CAPZA2: variants seen among roughly 807,000 people sequenced by gnomAD.
The protein encoded by CAPZA2 is F-actin-capping protein subunit alpha-2.
Under a neutral mutation model 44.0 loss-of-function variants are expected in CAPZA2, and 13 were observed. The ratio of observed to expected loss-of-function variants is 0.30; its 90% CI spans 0.19 to 0.47. The LOEUF is 0.47. CAPZA2 is among the 20% of genes least tolerant of loss of function. The pLI is 1.00. For synonymous variants in CAPZA2, 94 were observed against 108.2 expected, an observed-to-expected ratio of 0.87 and a Z score of 0.81; for missense variants, 244 against 338.6, an observed-to-expected ratio of 0.72 and a Z score of 2.19.
chr7:116,865,677 A>G (rs553615201), intron 1 of CAPZA2, among the ~76,000 whole-genome samples: 1 of 152,230 alleles, frequency 6.6e-6, no homozygotes, highest in African/African-American at 2.4e-5. Context: ...CCTGGGCTCA[A>G]GCAGTCCTCT....
At chr7:116,897,785 C>G (rs1344054859) in intron 3 of CAPZA2, among the ~76,000 whole-genome samples, 1 of 151,944 alleles carries the variant, frequency 6.6e-6, no homozygotes, top group Non-Finnish European at 1.5e-5. Flanking sequence ...TAGCTTTATT[C>G]TTGGATCCAT....
chr7:116,919,194 G>T lies in CAPZA2; in HGVS notation c.*1327G>T, dbSNP rs1218061660. On this transcript the variant is annotated 3_prime_UTR_variant, in exon 10 of 10. Coordinates refer to ENST00000361183, the MANE Select transcript of CAPZA2 (RefSeq NM_006136.3). ...TTTAAAAATTCAATGAAAGCATGTT[G>T]TTTAATTTCTTTTTAAAATCACTGT... 1 of 151,056 alleles carries T rather than the reference G, an allele frequency of 6.6e-6. No homozygotes were observed. The highest frequency in any genetic ancestry group is 1.5e-5 in the Non-Finnish European group (1 of 67,738). The allele number at this position is 151,056 out of a possible 1,614,324, so 9.4% of individuals were successfully genotyped here.
At chr7:116,906,551 G>A (rs1791515645) in intron 6 of CAPZA2, 1 of 819,112 alleles carries the variant, frequency 1.2e-6, no homozygotes, top group African/African-American at 1.8e-5. Context: ...ACATTCAGTG[G>A]AAAGAGTATG....
In CAPZA2 at chr7:116,917,816, T is replaced by C. The variant is rs760935664; in HGVS notation, c.810T>C (p.Asp270=). 25 of 1,612,516 alleles carry C rather than the reference T, an allele frequency of 1.6e-5. No individual in the cohort carries two copies. In the South Asian group the frequency reaches 1.8e-4, roughly 11 times the overall value. ...TGCCAGTTACACGCACTAAGATTGA[T>C]TGGAACAAGATCCTTAGCTACAAGA... ...RQLPVTRTKI[D]WNKILSYKIG... The change falls in exon 10 of 10, where the codon GAT becomes GAC. Residue 270 remains aspartate, a synonymous_variant. Transcript: ENST00000361183.
intron 1 of CAPZA2, among the ~76,000 whole-genome samples, chr7:116,879,124 C>CAAAAAAAAAAAAAA (rs71148337): frequency 1.1e-4 from 5 of 45,300 alleles, no homozygotes; most frequent in Non-Finnish European, 1.8e-4. Flanking sequence ...AACTCTGTCT[C>CAAAAAAAAAAAAAA]AAAAAAAAAA....
At chr7:116,880,398 T>C (rs1350342084) in intron 1 of CAPZA2, among the ~76,000 whole-genome samples, 1 of 152,062 alleles carries the variant, frequency 6.6e-6, no homozygotes, top group Non-Finnish European at 1.5e-5. Context: ...CTAGAATTTG[T>C]TTTTGTTTTT....
At chr7:116,894,538 G>A (rs967694189) in intron 3 of CAPZA2, among the ~76,000 whole-genome samples, 8 of 152,048 alleles carry the variant, frequency 5.3e-5, no homozygotes, top group Admixed American at 3.3e-4. Flanking sequence ...TTTTTTAATT[G>A]TGGAAAAATA....
chr7:116,890,057 C>G (rs912578039), intron 2 of CAPZA2, among the ~76,000 whole-genome samples: 2 of 152,092 alleles, frequency 1.3e-5, no homozygotes, highest in Non-Finnish European at 2.9e-5. Flanking sequence ...GCACTAAAGT[C>G]AGTAGCTTCC....
At chr7:116,884,880 G>A (rs552752417) in intron 1 of CAPZA2, among the ~76,000 whole-genome samples, 16 of 152,222 alleles carry the variant, frequency 1.1e-4, no homozygotes, top group African/African-American at 3.9e-4. Context: ...ATGTATGAGA[G>A]TTCCTGTTCT....
intron 3 of CAPZA2, among the ~76,000 whole-genome samples, chr7:116,893,927 A>G (rs1306969459): frequency 7.2e-5 from 11 of 152,208 alleles, no homozygotes; most frequent in Admixed American, 2.0e-4. Context: ...CTCCCAAAAT[A>G]AGGTCTAGAG....
chr7:116,914,147 C>G (rs1358913282), intron 8 of CAPZA2, among the ~76,000 whole-genome samples: 4 of 151,448 alleles, frequency 2.6e-5, no homozygotes, highest in Non-Finnish European at 4.4e-5. Context: ...CCTGCCTCAG[C>G]CTCCCGAGTA....
intron 1 of CAPZA2, among the ~76,000 whole-genome samples, chr7:116,869,217 G>A (rs1796519193): frequency 6.6e-6 from 1 of 152,130 alleles, no homozygotes; most frequent in African/African-American, 2.4e-5. Context: ...AGAAAATGGG[G>A]TCTTTGTCTT....
At position 116,872,717 on chromosome 7, in the gene CAPZA2, C is replaced by A. The variant is rs1013668560; in HGVS notation, c.39+10067C>A. On this transcript the variant is annotated intron_variant, in intron 1 of 9. Transcript: ENST00000361183. ...CTGTGGAAGACAACTTCAAATAATT[C>A]TTTTAGTTGAAGTGGAAAAGTGCAT... Among the ~76,000 whole-genome samples the A allele has an allele frequency of 3.9e-5, 6 of 152,152 alleles. No individual in the cohort carries two copies. The East Asian group carries it at 1.2e-3, about 29-fold the overall frequency.
chr7:116,878,881 A>G (rs574962133), intron 1 of CAPZA2, among the ~76,000 whole-genome samples: 14 of 152,110 alleles, frequency 9.2e-5, no homozygotes, highest in Non-Finnish European at 1.9e-4. Context: ...TAATCCCAGC[A>G]CTTTGGGAGG....
At chr7:116,875,876 G>A (rs985493017) in intron 1 of CAPZA2, 31 of 152,136 alleles carry the variant, frequency 2.0e-4, no homozygotes, top group African/African-American at 7.2e-4. Flanking sequence ...ATGTTATCCC[G>A]TAACTCAAAG....
At chr7:116,912,346 T>C (rs1174896973) in intron 8 of CAPZA2, among the ~76,000 whole-genome samples, 1 of 152,150 alleles carries the variant, frequency 6.6e-6, no homozygotes, top group African/African-American at 2.4e-5. Context: ...ATTTAAAATA[T>C]AAGCTTCAAA....
chr7:116,903,268 G>GTGTGTA (rs1797019439), intron 4 of CAPZA2, among the ~76,000 whole-genome samples: 1 of 148,680 alleles, frequency 6.7e-6, no homozygotes, highest in African/African-American at 2.6e-5. Flanking sequence ...GTGTGTGTGT[G>GTGTGTA]TGTACGTACA....
intron 3 of CAPZA2, among the ~76,000 whole-genome samples, chr7:116,897,406 T>C (rs1483603917): frequency 6.6e-6 from 1 of 152,186 alleles, no homozygotes; most frequent in Non-Finnish European, 1.5e-5. Flanking sequence ...GCATGTAGTA[T>C]CAAGAATTTG....
chr7:116,917,959 G>A lies in CAPZA2; in HGVS notation c.*92G>A. On this transcript the variant is annotated 3_prime_UTR_variant, in exon 10 of 10. Transcript: ENST00000361183. ...GAACTGTCAAGCTGCCCAGTCAGAT[G>A]GGCTGTTGCCATTTAAAATCACTGT... 3.1e-6 allele frequency: 3 copies of A among 960,620 alleles called. No homozygotes were observed. Among genetic ancestry groups the A allele is most frequent in the Admixed American group, 2.0e-5 (1 of 49,542 alleles). 59.5% of individuals were successfully genotyped at this position (960,620 alleles called of 1,614,324 possible). A position where few individuals can be genotyped will look rare whatever the true frequency, so the allele number is the denominator to read the frequency against.
Sources: gnomAD v4.1 joint callset for allele counts (sites outside exome capture counted in the v4.1 genomes callset) on GRCh38, gnomAD v4.1.1 for gene constraint, MANE v1.5 for transcripts, NCBI Gene and HGNC (gene_info 2026-07-23, HGNC 2026-07-21) for gene names.